The following NEGR1 variants were observed in gnomAD, a reference collection of about 807,000 sequenced individuals.
NEGR1 encodes neuronal growth regulator 1, also known as IgLON family member 4.
A neutral mutation model predicts 40.9 loss-of-function variants in NEGR1; 10 were observed. The observed-to-expected ratio is 0.24, with a 90% CI of 0.15 to 0.42. The LOEUF is 0.42. Ranked by LOEUF, NEGR1 falls within the 10% of genes least tolerant of loss-of-function variation. The pLI is 1.00. For missense variants in NEGR1, 352 were observed against 438.9 expected (o/e 0.80, Z 1.77); for synonymous variants, 185 against 166.8 (o/e 1.11, Z -0.84).
chr1:72,023,927 G>C (rs1026612570), intron 1 of NEGR1, among the ~76,000 whole-genome samples: 3 of 152,126 alleles, frequency 2.0e-5, no homozygotes, highest in Admixed American at 1.3e-4. Context: ...GTTATAGACA[G>C]AGGCATAGTG....
intron 2 of NEGR1, among the ~76,000 whole-genome samples, chr1:71,912,098 C>T (rs1253944751): frequency 3.9e-5 from 6 of 152,050 alleles, no homozygotes; most frequent in African/African-American, 1.4e-4. Context: ...TGACCTAAAA[C>T]AACAAAAAAT....
At chr1:72,231,195 A>C (rs1297331639) in intron 1 of NEGR1, among the ~76,000 whole-genome samples, 1 of 152,210 alleles carries the variant, frequency 6.6e-6, no homozygotes, top group African/African-American at 2.4e-5. Context: ...CTGACTCCTG[A>C]AGATTGCTGT....
At chr1:71,979,973 A>G (rs1459762704) in intron 1 of NEGR1, among the ~76,000 whole-genome samples, 1 of 152,186 alleles carries the variant, frequency 6.6e-6, no homozygotes, top group Admixed American at 6.5e-5. Flanking sequence ...GAAACAAAAC[A>G]AAACAAAGAA....
chr1:71,915,895 A>C (rs1198996080), intron 2 of NEGR1, among the ~76,000 whole-genome samples: 1 of 152,222 alleles, frequency 6.6e-6, no homozygotes, highest in African/African-American at 2.4e-5. Flanking sequence ...TTTAACAAGT[A>C]ACAGACTATG....
chr1:71,536,436 T>C (rs1647517058), intron 6 of NEGR1, among the ~76,000 whole-genome samples: 2 of 151,678 alleles, frequency 1.3e-5, no homozygotes, highest in African/African-American at 4.8e-5. Flanking sequence ...CCATGTGATC[T>C]CTTCACACAC....
chr1:71,796,548 T>C (rs1570358454), intron 2 of NEGR1, among the ~76,000 whole-genome samples: 1 of 152,188 alleles, frequency 6.6e-6, no homozygotes, highest in East Asian at 1.9e-4. Context: ...TAGCCTGTGG[T>C]GACCAAGGTT....
At chr1:71,878,556 C>T (rs1052675424) in intron 2 of NEGR1, among the ~76,000 whole-genome samples, 4 of 152,106 alleles carry the variant, frequency 2.6e-5, no homozygotes, top group Non-Finnish European at 4.4e-5. Flanking sequence ...TATTTTTCAT[C>T]ATAAAAATAT....
chr1:72,156,673 G>T (rs1651367553), intron 1 of NEGR1, among the ~76,000 whole-genome samples: 2 of 152,086 alleles, frequency 1.3e-5, no homozygotes, highest in South Asian at 4.1e-4. Context: ...TTCTGTGATG[G>T]TCCTGCTTTC....
intron 2 of NEGR1, among the ~76,000 whole-genome samples, chr1:71,782,371 C>T (rs79700936): frequency 0.031 from 4,655 of 152,138 alleles, 91 homozygotes; most frequent in Non-Finnish European, 0.047. Flanking sequence ...TTTTTTATAG[C>T]GCCTGAATGT....
At chr1:72,061,443 A>G (rs752233285) in intron 1 of NEGR1, among the ~76,000 whole-genome samples, 20 of 151,758 alleles carry the variant, frequency 1.3e-4, no homozygotes, top group Admixed American at 1.3e-4. Context: ...CCAAACACAG[A>G]ATCATTACAT....
At chr1:71,459,343 A>C (rs1646698192) in intron 6 of NEGR1, among the ~76,000 whole-genome samples, 1 of 152,222 alleles carries the variant, frequency 6.6e-6, no homozygotes, top group Admixed American at 6.5e-5. Flanking sequence ...ATCTGAGATG[A>C]GAGTGATCTC....
chr1:71,574,085 T>A (rs555853950), intron 6 of NEGR1, among the ~76,000 whole-genome samples: 41 of 152,310 alleles, frequency 2.7e-4, no homozygotes, highest in African/African-American at 9.4e-4. Flanking sequence ...CAGGATGAAG[T>A]AATGTCTTCC....
At chr1:72,059,030 C>T (rs1647140778) in intron 1 of NEGR1, among the ~76,000 whole-genome samples, 1 of 151,634 alleles carries the variant, frequency 6.6e-6, no homozygotes, top group Non-Finnish European at 1.5e-5. Flanking sequence ...ATTGGAAATA[C>T]AACTAGAACC....
chr1:71,717,980 A>G (rs2794304), intron 3 of NEGR1, among the ~76,000 whole-genome samples: 75,138 of 151,880 alleles, frequency 0.49, 18,949 homozygotes, highest in East Asian at 0.78. Flanking sequence ...TCTTGATCTC[A>G]GACTTATAGC....
intron 5 of NEGR1, among the ~76,000 whole-genome samples, chr1:71,597,432 GTCTCTCTCTCTC>G (rs1158039041): frequency 1.6e-5 from 1 of 60,748 alleles, no homozygotes; most frequent in African/African-American, 6.6e-5. Flanking sequence ...ATATATATAT[GTCTCTCTCTCTC>G]TCTCTCTCTC....
At chr1:72,197,710 C>T (rs74088182) in intron 1 of NEGR1, among the ~76,000 whole-genome samples, 2,140 of 151,958 alleles carry the variant, frequency 0.014, 53 homozygotes, top group African/African-American at 0.049. Flanking sequence ...TTACAACCAG[C>T]GAAAGCATTT....
chr1:71,424,758 C>G (rs1257540777), intron 6 of NEGR1, among the ~76,000 whole-genome samples: 4 of 152,288 alleles, frequency 2.6e-5, no homozygotes, highest in African/African-American at 9.6e-5. Context: ...CAGCCTTCTG[C>G]TGACAGCCAA....
chr1:71,413,469 G>A (rs571549782), intron 6 of NEGR1, among the ~76,000 whole-genome samples: 20 of 152,180 alleles, frequency 1.3e-4, no homozygotes, highest in African/African-American at 4.8e-4. Flanking sequence ...TTTCATTTTT[G>A]CTTACAAAAA....
intron 2 of NEGR1, among the ~76,000 whole-genome samples, chr1:71,781,151 C>A (rs1234927628): frequency 1.3e-5 from 2 of 152,120 alleles, no homozygotes; most frequent in African/African-American, 2.4e-5. Flanking sequence ...TTCAAGAATT[C>A]ATCATGCTGC....
Sources: allele counts gnomAD v4.1 joint callset (sites outside exome capture counted in the v4.1 genomes callset), GRCh38; gene constraint gnomAD v4.1.1; transcripts MANE v1.5; gene names NCBI Gene and HGNC (gene_info 2026-07-23, HGNC 2026-07-21).